DAB1: variants seen among roughly 807,000 people sequenced by gnomAD.
DAB1 encodes the protein DAB adaptor protein 1.
DAB1 carries 15 observed loss-of-function variants against 64.6 expected under a neutral mutation model. That is an observed-to-expected ratio of 0.23 (90% CI 0.16 to 0.36). The LOEUF (loss-of-function observed/expected upper bound fraction) is 0.36. Among genes scored for constraint, DAB1 ranks in the 10% least tolerant of loss-of-function variants. The pLI is 1.00. For synonymous variants in DAB1, 235 were observed against 251.9 expected, an observed-to-expected ratio of 0.93 and a Z score of 0.64; for missense variants, 596 against 706.7, an observed-to-expected ratio of 0.84 and a Z score of 1.78.
At chr1:57,054,551 C>T (rs532622675) in intron 9 of DAB1, among the ~76,000 whole-genome samples, 9 of 146,106 alleles carry the variant, frequency 6.2e-5, no homozygotes, top group African/African-American at 1.8e-4. Flanking sequence ...AATTTCCGCT[C>T]GCTGCAAGCT....
At chr1:58,408,497 T>G (rs1644638103) in intron 3 of DAB1, among the ~76,000 whole-genome samples, 1 of 152,250 alleles carries the variant, frequency 6.6e-6, no homozygotes, top group Non-Finnish European at 1.5e-5. Flanking sequence ...TCTCCAGTGT[T>G]CATTGATCTA....
chr1:58,190,169 T>C (rs1657308050), intron 4 of DAB1, among the ~76,000 whole-genome samples: 1 of 152,186 alleles, frequency 6.6e-6, no homozygotes, highest in Non-Finnish European at 1.5e-5. Flanking sequence ...GGATCTAGAA[T>C]CTGAACCCAA....
intron 1 of DAB1, among the ~76,000 whole-genome samples, chr1:57,828,379 C>T (rs1652447862): frequency 1.3e-5 from 2 of 152,324 alleles, no homozygotes; most frequent in African/African-American, 4.8e-5. Flanking sequence ...CAGCACCATA[C>T]AGTTTTCCTT....
intron 5 of DAB1, among the ~76,000 whole-genome samples, chr1:57,965,636 A>C (rs770484482): frequency 7.2e-5 from 11 of 152,342 alleles, no homozygotes; most frequent in Non-Finnish European, 1.6e-4. Context: ...GAAGGAATAT[A>C]GCATCCACAG....
intron 3 of DAB1, among the ~76,000 whole-genome samples, chr1:58,409,316 T>C (rs1644645094): frequency 6.6e-6 from 1 of 152,098 alleles, no homozygotes; most frequent in African/African-American, 2.4e-5. Flanking sequence ...ACAGGTGAAG[T>C]GATATGCACA....
At chr1:57,608,388 TAA>T (rs998855746) in intron 7 of DAB1, among the ~76,000 whole-genome samples, 1 of 151,074 alleles carries the variant, frequency 6.6e-6, no homozygotes, top group African/African-American at 2.5e-5. Context: ...GTGAAGATAT[TAA>T]AAAAAGAGAG....
rs183211135 is a variant in DAB1, at chr1:58,083,297, A to G, written n.387+67214T>C. Among the ~76,000 whole-genome samples the G allele has an allele frequency of 2.7e-3, 417 of 152,342 alleles. 5 individuals are homozygous for G. The highest frequency in any genetic ancestry group is 3.4e-3 in the Middle Eastern group (1 of 294). ...AATATGAGACCCTGAGGACAGAAGT[A>G]AAATATTTTTCCTTGGGAGTCCCCC... On this transcript the variant is annotated intron_variant and non_coding_transcript_variant, in intron 5 of 20. Transcript: ENST00000485760.
intron 7 of DAB1, among the ~76,000 whole-genome samples, chr1:57,613,490 CTA>C (rs370727130): frequency 5.3e-4 from 80 of 152,204 alleles, no homozygotes; most frequent in African/African-American, 1.9e-3. Flanking sequence ...TTTCTTCACT[CTA>C]TGGATTAGCT....
chr1:57,485,834 T>C (rs1418710188), intron 7 of DAB1, among the ~76,000 whole-genome samples: 1 of 152,224 alleles, frequency 6.6e-6, no homozygotes. Flanking sequence ...AAGTCCTTGG[T>C]AAACTGTAAA....
intron 5 of DAB1, among the ~76,000 whole-genome samples, chr1:58,087,762 G>A (rs1294140921): frequency 6.6e-6 from 1 of 152,154 alleles, no homozygotes; most frequent in Admixed American, 6.5e-5. Context: ...GGAAGAAAGA[G>A]GAATTTGTGC....
chr1:58,138,981 G>A (rs1654119608), intron 5 of DAB1, among the ~76,000 whole-genome samples: 1 of 152,090 alleles, frequency 6.6e-6, no homozygotes, highest in African/African-American at 2.4e-5. Flanking sequence ...CTTGTGCTTG[G>A]GCTGGTCCTT....
At chr1:57,074,273 G>C (rs1313619418) in intron 4 of DAB1, among the ~76,000 whole-genome samples, 1 of 152,182 alleles carries the variant, frequency 6.6e-6, no homozygotes, top group East Asian at 1.9e-4. Flanking sequence ...GTCCAAATAG[G>C]AAAATGGATG....
chr1:57,488,412 A>G (rs992208422), intron 7 of DAB1, among the ~76,000 whole-genome samples: 5 of 149,922 alleles, frequency 3.3e-5, no homozygotes, highest in African/African-American at 1.2e-4. Context: ...AAAAAAAAAA[A>G]AAAAAAAAAA....
At chr1:58,376,606 G>T (rs1372533915) in intron 3 of DAB1, among the ~76,000 whole-genome samples, 2 of 147,378 alleles carry the variant, frequency 1.4e-5, no homozygotes, top group East Asian at 3.9e-4. Flanking sequence ...CAACTATGTG[G>T]TCAATTTTTG....
At chr1:57,012,832 G>T (rs151235236) in intron 12 of DAB1, among the ~76,000 whole-genome samples, 52 of 152,372 alleles carry the variant, frequency 3.4e-4, no homozygotes, top group African/African-American at 1.2e-3. Flanking sequence ...GAGAACACAA[G>T]CTGAGTTGCC....
intron 5 of DAB1, among the ~76,000 whole-genome samples, chr1:57,938,307 T>C (rs892883255): frequency 6.6e-6 from 1 of 152,160 alleles, no homozygotes; most frequent in African/African-American, 2.4e-5. Context: ...TTCCAGGCAG[T>C]GTGTTGGTAG....
chr1:57,786,260 C>T (rs1650334004), intron 6 of DAB1, among the ~76,000 whole-genome samples: 1 of 152,140 alleles, frequency 6.6e-6, no homozygotes, highest in Admixed American at 6.5e-5. Context: ...ACTCTCTTTA[C>T]TGAGACATGA....
chr1:57,308,832 G>A (rs1408506171), intron 1 of DAB1, among the ~76,000 whole-genome samples: 1 of 152,116 alleles, frequency 6.6e-6, no homozygotes. Context: ...CTTACCCTGA[G>A]GTCCAGTACT....
At chr1:57,425,352 G>A (rs1373180153), upstream of DAB1, among the ~76,000 whole-genome samples, 4 of 151,992 alleles carry the variant, frequency 2.6e-5, no homozygotes, top group Non-Finnish European at 2.9e-5. Flanking sequence ...TTTCTGTTTT[G>A]GGGTGTTTTT....
Sources: allele counts gnomAD v4.1 joint callset (sites outside exome capture counted in the v4.1 genomes callset), GRCh38; gene constraint gnomAD v4.1.1; transcripts MANE v1.5; gene names NCBI Gene and HGNC (gene_info 2026-07-23, HGNC 2026-07-21).